PTPRK: variants seen among roughly 807,000 people sequenced by gnomAD.
PTPRK encodes protein tyrosine phosphatase receptor type K.
PTPRK carries 75 observed loss-of-function variants against 178.0 expected under a neutral mutation model. That is an observed-to-expected ratio of 0.42 (90% CI 0.35 to 0.51). PTPRK has a LOEUF of 0.51. PTPRK is among the 20% of genes least tolerant of loss of function. The pLI, the probability that PTPRK is intolerant of heterozygous loss-of-function variation, is 0.02. For synonymous variants in PTPRK, 637 were observed against 620.6 expected, an observed-to-expected ratio of 1.03 and a Z score of -0.39; for missense variants, 1,441 against 1,797.8, an observed-to-expected ratio of 0.80 and a Z score of 3.59.
chr6:128,408,824 T>G (rs934126737), intron 1 of PTPRK, among the ~76,000 whole-genome samples: 1 of 152,184 alleles, frequency 6.6e-6, no homozygotes, highest in African/African-American at 2.4e-5. Flanking sequence ...CAAAATGGCT[T>G]GCAAATATAC....
In PTPRK at chr6:128,173,035, T is replaced by C. The variant is rs570910344; in HGVS notation, c.1162+11397A>G. On this transcript the variant is annotated intron_variant, in intron 7 of 29. Transcript: ENST00000368226. ...TAAGAGAGCAATAAAGGGACGAATA[T>C]AGAAATATGCTCAACACACATTAGC... Among the ~76,000 whole-genome samples the C allele has an allele frequency of 5.3e-5, 8 of 152,032 alleles. No homozygotes were observed. In the South Asian group the frequency reaches 1.2e-3, roughly 24 times the overall value.
chr6:128,202,341 C>T (rs1207326209), intron 6 of PTPRK, among the ~76,000 whole-genome samples: 1 of 152,188 alleles, frequency 6.6e-6, no homozygotes, highest in African/African-American at 2.4e-5. Context: ...ACCTGCAGAT[C>T]AGGAGATCCC....
intron 1 of PTPRK, among the ~76,000 whole-genome samples, chr6:128,498,738 C>A (rs1855103335): frequency 6.6e-6 from 1 of 152,018 alleles, no homozygotes; most frequent in South Asian, 2.1e-4. Context: ...AAACATATAT[C>A]TTGACAAAAA....
At chr6:128,455,851 G>GA (rs1848321497) in intron 1 of PTPRK, among the ~76,000 whole-genome samples, 1 of 152,006 alleles carries the variant, frequency 6.6e-6, no homozygotes, top group African/African-American at 2.4e-5. Flanking sequence ...TACCTGGATA[G>GA]AAAAAATGTC....
chr6:128,314,833 C>T (rs1827775501), intron 3 of PTPRK, among the ~76,000 whole-genome samples: 1 of 150,440 alleles, frequency 6.6e-6, no homozygotes, highest in Admixed American at 6.6e-5. Flanking sequence ...TTTTCTCCAC[C>T]ACTATTTAAA....
chr6:128,305,693 T>A (rs1256086073), intron 3 of PTPRK, among the ~76,000 whole-genome samples: 3 of 152,184 alleles, frequency 2.0e-5, no homozygotes, highest in Non-Finnish European at 4.4e-5. Context: ...ACTCAAATGT[T>A]TCATTTTTGC....
At chr6:128,189,280 C>T (rs1253263101) in intron 6 of PTPRK, among the ~76,000 whole-genome samples, 2 of 139,094 alleles carry the variant, frequency 1.4e-5, no homozygotes, top group East Asian at 4.2e-4. Context: ...TCATCTGTTA[C>T]CCAGGCTGGA....
intron 3 of PTPRK, among the ~76,000 whole-genome samples, chr6:128,306,202 G>A (rs1826353069): frequency 6.6e-6 from 1 of 152,090 alleles, no homozygotes; most frequent in African/African-American, 2.4e-5. Context: ...AGGGAATAAA[G>A]GAAAATATAA....
chr6:128,182,064 CATTA>C, intron 7 of PTPRK, among the ~76,000 whole-genome samples: 1 of 151,930 alleles, frequency 6.6e-6, no homozygotes, highest in Non-Finnish European at 1.5e-5. Context: ...CTTATGAGGA[CATTA>C]ATTAGCTATA....
intron 6 of PTPRK, among the ~76,000 whole-genome samples, chr6:128,201,141 T>C (rs1025678775): frequency 6.6e-6 from 1 of 152,180 alleles, no homozygotes; most frequent in Non-Finnish European, 1.5e-5. Context: ...TTATTTTTTC[T>C]ACAAACAGGA....
At chr6:128,090,926 T>C (rs760869852) in intron 7 of PTPRK, among the ~76,000 whole-genome samples, 1 of 152,212 alleles carries the variant, frequency 6.6e-6, no homozygotes, top group Non-Finnish European at 1.5e-5. Flanking sequence ...TCATTAAAGA[T>C]AGTCAAATTC....
intron 7 of PTPRK, among the ~76,000 whole-genome samples, chr6:128,147,800 A>G (rs1266920722): frequency 6.6e-6 from 1 of 152,168 alleles, no homozygotes; most frequent in African/African-American, 2.4e-5. Context: ...AAAATAAAGT[A>G]TCTGATGGAC....
chr6:128,307,795 C>CAAAT (rs1826651809), intron 3 of PTPRK, among the ~76,000 whole-genome samples: 1 of 152,042 alleles, frequency 6.6e-6, no homozygotes, highest in Non-Finnish European at 1.5e-5. Flanking sequence ...TGAAAATGTG[C>CAAAT]AAATAAATAC....
chr6:127,995,218 G>C (rs886202117), intron 18 of PTPRK: 7 of 1,565,596 alleles, frequency 4.5e-6, no homozygotes, highest in Non-Finnish European at 6.1e-6. Flanking sequence ...TTTATAATAG[G>C]GTGCTGTTAT....
intron 19 of PTPRK, among the ~76,000 whole-genome samples, chr6:127,991,657 T>G (rs1776629563): frequency 6.6e-6 from 1 of 151,362 alleles, no homozygotes; most frequent in Non-Finnish European, 1.5e-5. Flanking sequence ...TCTTGGGTAT[T>G]TATATTTGTC....
chr6:128,332,904 A>G (rs979470135), intron 2 of PTPRK, among the ~76,000 whole-genome samples: 9 of 152,300 alleles, frequency 5.9e-5, no homozygotes, highest in Middle Eastern at 3.4e-3. Flanking sequence ...CAAAGGACTC[A>G]TTGATCTAAG....
chr6:128,170,560 T>C (rs1007578526), intron 7 of PTPRK, among the ~76,000 whole-genome samples: 1 of 152,038 alleles, frequency 6.6e-6, no homozygotes, highest in African/African-American at 2.4e-5. Flanking sequence ...GCATATTATT[T>C]ACTTGAGAAA....
At chr6:128,298,790 T>C (rs1262030408) in intron 3 of PTPRK, among the ~76,000 whole-genome samples, 1 of 152,134 alleles carries the variant, frequency 6.6e-6, no homozygotes, top group Non-Finnish European at 1.5e-5. Flanking sequence ...ACTGGAAGCA[T>C]TTCCTTTGAA....
At chr6:128,422,927 A>G (rs1301221567) in intron 1 of PTPRK, among the ~76,000 whole-genome samples, 1 of 152,198 alleles carries the variant, frequency 6.6e-6, no homozygotes, top group Non-Finnish European at 1.5e-5. Context: ...CTTTCCATGA[A>G]TAAACTTTTT....
Sources: allele counts gnomAD v4.1 joint callset (sites outside exome capture counted in the v4.1 genomes callset), GRCh38; gene constraint gnomAD v4.1.1; transcripts MANE v1.5; gene names NCBI Gene and HGNC (gene_info 2026-07-23, HGNC 2026-07-21).